MAD1L1: variants seen among roughly 807,000 people sequenced by gnomAD.
MAD1L1 encodes mitotic spindle assembly checkpoint protein MAD1.
In MAD1L1, 95 loss-of-function variants were observed where a neutral mutation model predicts 96.9. That is an observed-to-expected ratio of 0.98 (90% CI 0.83 to 1.16). The LOEUF is 1.16. Among genes scored for constraint, MAD1L1 ranks in the 50% most tolerant of loss-of-function variants. The pLI, the probability that MAD1L1 is intolerant of heterozygous loss-of-function variation, is 0.00. For synonymous variants in MAD1L1, 473 were observed against 396.6 expected, an observed-to-expected ratio of 1.19 and a Z score of -2.29; for missense variants, 1,007 against 954.4, an observed-to-expected ratio of 1.06 and a Z score of -0.73.
intron 18 of MAD1L1, among the ~76,000 whole-genome samples, chr7:1,823,278 A>C (rs544556827): frequency 6.6e-6 from 1 of 152,140 alleles, no homozygotes; most frequent in Non-Finnish European, 1.5e-5. Context: ...CTGTATCACG[A>C]ACTTACATGT....
intron 11 of MAD1L1, among the ~76,000 whole-genome samples, chr7:2,127,471 T>TGCCAC (rs1180164508): frequency 6.6e-6 from 1 of 152,056 alleles, no homozygotes; most frequent in Non-Finnish European, 1.5e-5. Flanking sequence ...CTTCGTGCTG[T>TGCCAC]GCCACGGAGG....
At chr7:1,963,980 A>G (rs1780056103) in intron 15 of MAD1L1, among the ~76,000 whole-genome samples, 1 of 152,186 alleles carries the variant, frequency 6.6e-6, no homozygotes, top group South Asian at 2.1e-4. Context: ...CTGTGGCTTT[A>G]CAAACAACCC....
At chr7:1,876,260 A>C (rs1441274761) in intron 18 of MAD1L1, among the ~76,000 whole-genome samples, 2 of 152,122 alleles carry the variant, frequency 1.3e-5, no homozygotes, top group Non-Finnish European at 2.9e-5. Context: ...ATGTTAAACC[A>C]GCTCCTTCTC....
chr7:1,993,867 C>A (rs534469792), intron 14 of MAD1L1, among the ~76,000 whole-genome samples: 39 of 152,358 alleles, frequency 2.6e-4, no homozygotes, highest in Admixed American at 3.3e-4. Context: ...ATGCTTTAAA[C>A]TCCCCAGCTG....
At chr7:2,115,002 G>A (rs1787590399) in intron 11 of MAD1L1, among the ~76,000 whole-genome samples, 1 of 152,232 alleles carries the variant, frequency 6.6e-6, no homozygotes, top group Non-Finnish European at 1.5e-5. Flanking sequence ...GGCCAGTGCA[G>A]CAGAGAAGAG....
intron 17 of MAD1L1, among the ~76,000 whole-genome samples, chr7:1,915,500 C>T (rs569775360): frequency 1.3e-5 from 2 of 152,292 alleles, no homozygotes; most frequent in Non-Finnish European, 2.9e-5. Context: ...CACAGGAGGC[C>T]GACGCGGGAC....
Position 2,207,555 on chromosome 7 carries a change from G to C in MAD1L1, c.986+5657C>G, listed in dbSNP as rs948770697. Among the ~76,000 whole-genome samples, 5 of 152,224 alleles carry C rather than the reference G, an allele frequency of 3.3e-5. No homozygotes were observed. In the East Asian group the frequency reaches 7.7e-4, roughly 23 times the overall value. ...GCCAGGGTTCAGAGCTGCACACACA[G>C]AGGCTCCTGGAGGGTGGTGTGCCCA... On this transcript the variant is annotated intron_variant, in intron 10 of 18. Coordinates refer to ENST00000265854, the MANE Select transcript of MAD1L1 (RefSeq NM_001013836.2).
At chr7:1,961,689 C>G (rs750198037) in intron 15 of MAD1L1, among the ~76,000 whole-genome samples, 78 of 152,368 alleles carry the variant, frequency 5.1e-4, no homozygotes, top group Non-Finnish European at 9.6e-4. Context: ...TTGGCTGTGT[C>G]CCCACCCAAA....
At chr7:1,890,680 G>T (rs986976666) in intron 18 of MAD1L1, among the ~76,000 whole-genome samples, 2 of 152,206 alleles carry the variant, frequency 1.3e-5, no homozygotes, top group Non-Finnish European at 2.9e-5. Flanking sequence ...CAGGTATGTC[G>T]GGGAGAGGAG....
intron 15 of MAD1L1, among the ~76,000 whole-genome samples, chr7:1,979,101 A>G (rs1443590517): frequency 6.6e-6 from 1 of 152,196 alleles, no homozygotes; most frequent in Non-Finnish European, 1.5e-5. Context: ...CCTGAGAAAG[A>G]GGGGCCATCC....
intron 15 of MAD1L1, among the ~76,000 whole-genome samples, chr7:1,975,656 C>T (rs967070258): frequency 1.3e-5 from 2 of 152,190 alleles, no homozygotes; most frequent in Non-Finnish European, 2.9e-5. Context: ...AAGTCTAGCA[C>T]CTGGCCCTCT....
chr7:1,978,910 G>C (rs1021269215), intron 15 of MAD1L1, among the ~76,000 whole-genome samples: 1 of 152,192 alleles, frequency 6.6e-6, no homozygotes, highest in East Asian at 1.9e-4. Flanking sequence ...AAATGAAACC[G>C]CTCAGACTCC....
At chr7:1,967,667 C>CAG (rs1012653122) in intron 15 of MAD1L1, among the ~76,000 whole-genome samples, 3 of 152,182 alleles carry the variant, frequency 2.0e-5, no homozygotes, top group Non-Finnish European at 4.4e-5. Context: ...AAAGCTGGGG[C>CAG]AGAGGACACG....
At chr7:2,038,152 G>A (rs1783521408) in intron 12 of MAD1L1, among the ~76,000 whole-genome samples, 1 of 152,252 alleles carries the variant, frequency 6.6e-6, no homozygotes, top group Non-Finnish European at 1.5e-5. Flanking sequence ...TTAAGTCAGA[G>A]CAAGTTCCAC....
intron 18 of MAD1L1, among the ~76,000 whole-genome samples, chr7:1,875,232 C>A (rs1203912569): frequency 1.3e-5 from 2 of 152,240 alleles, no homozygotes; most frequent in African/African-American, 2.4e-5. Context: ...TGCCCGCCCC[C>A]ACGGCTGCAC....
intron 10 of MAD1L1, among the ~76,000 whole-genome samples, chr7:2,192,255 C>T (rs1248151162): frequency 6.6e-6 from 1 of 151,942 alleles, no homozygotes; most frequent in Admixed American, 6.5e-5. Flanking sequence ...CTCAGCCTCC[C>T]AAGTCATTGG....
chr7:2,069,849 A>G (rs879343298), intron 11 of MAD1L1, among the ~76,000 whole-genome samples: 21 of 152,236 alleles, frequency 1.4e-4, no homozygotes, highest in Non-Finnish European at 2.9e-4. Context: ...GCTGCCCAAG[A>G]GGCCTCTCCC....
At chr7:2,130,115 CAT>C (rs578241465) in intron 11 of MAD1L1, among the ~76,000 whole-genome samples, 91 of 152,390 alleles carry the variant, frequency 6.0e-4, no homozygotes, top group African/African-American at 2.1e-3. Context: ...AGCACCTCCA[CAT>C]GTCAGGAGGC....
intron 18 of MAD1L1, among the ~76,000 whole-genome samples, chr7:1,824,837 G>A (rs1484197364): frequency 1.8e-4 from 28 of 152,016 alleles, no homozygotes; most frequent in Admixed American, 1.7e-3. Context: ...AGAATCTGAC[G>A]CGTCCCAGGC....
Sources: allele counts gnomAD v4.1 joint callset (sites outside exome capture counted in the v4.1 genomes callset), GRCh38; gene constraint gnomAD v4.1.1; transcripts MANE v1.5; gene names NCBI Gene and HGNC (gene_info 2026-07-23, HGNC 2026-07-21).